EPHA5: variants seen among roughly 807,000 people sequenced by gnomAD.
EPHA5 encodes ephrin type-A receptor 5.
In EPHA5, 60 loss-of-function variants were observed where a neutral mutation model predicts 105.0. That is an observed-to-expected ratio of 0.57 (90% CI 0.46 to 0.71). The LOEUF (loss-of-function observed/expected upper bound fraction) is 0.71. EPHA5 is among the 30% of genes least tolerant of loss of function. The pLI, the probability that EPHA5 is intolerant of heterozygous loss-of-function variation, is 0.00. For missense variants in EPHA5, 1,218 were observed against 1,274.7 expected (o/e 0.96, Z 0.68); for synonymous variants, 513 against 449.1 (o/e 1.14, Z -1.80).
At chr4:65,359,407 C>T (rs1717045670) in intron 11 of EPHA5, among the ~76,000 whole-genome samples, 2 of 151,524 alleles carry the variant, frequency 1.3e-5, no homozygotes, top group South Asian at 4.1e-4. Flanking sequence ...CTTTTTACTT[C>T]TTGAGACTAA....
At chr4:65,524,752 T>A (rs574908577) in intron 3 of EPHA5, among the ~76,000 whole-genome samples, 7 of 151,840 alleles carry the variant, frequency 4.6e-5, no homozygotes, top group African/African-American at 1.7e-4. Flanking sequence ...ACATTTCCCA[T>A]ATGAATGAAG....
chr4:65,493,790 T>C (rs1731656024), intron 4 of EPHA5, among the ~76,000 whole-genome samples: 1 of 150,476 alleles, frequency 6.6e-6, no homozygotes, highest in African/African-American at 2.5e-5. Flanking sequence ...CCATTTCCAA[T>C]CCTAACAAAT....
At chr4:65,437,281 A>G (rs920747369) in intron 5 of EPHA5, among the ~76,000 whole-genome samples, 2 of 151,964 alleles carry the variant, frequency 1.3e-5, no homozygotes, top group African/African-American at 4.8e-5. Flanking sequence ...TCACAAAGAG[A>G]CTCTGGCTTC....
chr4:65,546,991 G>A (rs530783538), intron 3 of EPHA5, among the ~76,000 whole-genome samples: 77 of 152,054 alleles, frequency 5.1e-4, no homozygotes, highest in African/African-American at 1.7e-3. Flanking sequence ...AAGTCCACAT[G>A]TGACTGGAAG....
chr4:65,512,683 G>T (rs1253130693), intron 3 of EPHA5, among the ~76,000 whole-genome samples: 1 of 152,096 alleles, frequency 6.6e-6, no homozygotes, highest in African/African-American at 2.4e-5. Flanking sequence ...TGTAAAACTT[G>T]CAGAACCATG....
At chr4:65,456,493 T>A (rs1224340837) in intron 5 of EPHA5, among the ~76,000 whole-genome samples, 2 of 152,184 alleles carry the variant, frequency 1.3e-5, no homozygotes, top group Non-Finnish European at 2.9e-5. Flanking sequence ...GAAATGTTAA[T>A]GCTGATTAGT....
chr4:65,451,770 A>C (rs1293189979), intron 5 of EPHA5, among the ~76,000 whole-genome samples: 4 of 152,256 alleles, frequency 2.6e-5, no homozygotes, highest in Non-Finnish European at 5.9e-5. Context: ...TGTATAAATG[A>C]GCTATGAGAT....
chr4:65,482,244 G>A (rs1047835587), intron 5 of EPHA5, among the ~76,000 whole-genome samples: 1 of 148,538 alleles, frequency 6.7e-6, no homozygotes, highest in African/African-American at 2.5e-5. Context: ...GTTACAGTGA[G>A]CCAAAATCTT....
chr4:65,516,194 C>T (rs957436995), intron 3 of EPHA5, among the ~76,000 whole-genome samples: 20 of 152,112 alleles, frequency 1.3e-4, no homozygotes, highest in African/African-American at 4.3e-4. Context: ...AACTTAACTA[C>T]TAACAGTCTA....
At chr4:65,382,381 C>A (rs1325704550) in intron 8 of EPHA5, among the ~76,000 whole-genome samples, 17 of 151,662 alleles carry the variant, frequency 1.1e-4, no homozygotes, top group Non-Finnish European at 4.4e-5. Flanking sequence ...ACATTAAGTT[C>A]TTCCTCCACG....
intron 3 of EPHA5, among the ~76,000 whole-genome samples, chr4:65,521,684 T>C (rs1157414485): frequency 2.6e-5 from 4 of 152,098 alleles, no homozygotes; most frequent in Admixed American, 2.6e-4. Context: ...GCAAGCATTA[T>C]AGAAATGCCA....
chr4:65,609,155 G>T (rs1744520042), intron 2 of EPHA5, among the ~76,000 whole-genome samples: 1 of 152,100 alleles, frequency 6.6e-6, no homozygotes, highest in Admixed American at 6.5e-5. Flanking sequence ...AATAAAACAT[G>T]TAGCACAGTT....
At chr4:65,361,690 T>C (rs1015673025) in intron 11 of EPHA5, among the ~76,000 whole-genome samples, 2 of 151,710 alleles carry the variant, frequency 1.3e-5, no homozygotes, top group East Asian at 3.9e-4. Flanking sequence ...GTAATCAATG[T>C]AGTTGGATGT....
chr4:65,564,873 G>T (rs1254839118), intron 3 of EPHA5, among the ~76,000 whole-genome samples: 1 of 151,704 alleles, frequency 6.6e-6, no homozygotes, highest in Admixed American at 6.6e-5. Context: ...CATTTCTAAT[G>T]CAAAGTGTTC....
At chr4:65,551,254 A>G (rs62300400) in intron 3 of EPHA5, among the ~76,000 whole-genome samples, 38,077 of 141,614 alleles carry the variant, frequency 0.27, 5,400 homozygotes, top group Middle Eastern at 0.38. Flanking sequence ...ATATTTATAT[A>G]TGTGTGTGTG....
intron 5 of EPHA5, among the ~76,000 whole-genome samples, chr4:65,482,625 G>C (rs1289608095): frequency 6.6e-6 from 1 of 152,076 alleles, no homozygotes; most frequent in East Asian, 1.9e-4. Context: ...CCTTGGCAAT[G>C]ACATCAAGGT....
chr4:65,367,522 T>A, intron 8 of EPHA5, 98 bp from the exon 9 acceptor site: 1 of 1,089,730 alleles, frequency 9.2e-7, no homozygotes. Flanking sequence ...ATTGCAACCC[T>A]AAACTGATTT....
chr4:65,391,508 C>T (rs1194836738), intron 8 of EPHA5, among the ~76,000 whole-genome samples: 1 of 152,074 alleles, frequency 6.6e-6, no homozygotes, highest in Non-Finnish European at 1.5e-5. Flanking sequence ...GAGTATACTT[C>T]CAGACATGGC....
At chr4:65,631,173 T>A (rs1205305289) in intron 2 of EPHA5, among the ~76,000 whole-genome samples, 2 of 152,208 alleles carry the variant, frequency 1.3e-5, no homozygotes, top group Non-Finnish European at 2.9e-5. Context: ...AATCCTTTAG[T>A]CTGCTTTTGA....
Sources: allele counts gnomAD v4.1 joint callset (sites outside exome capture counted in the v4.1 genomes callset), GRCh38; gene constraint gnomAD v4.1.1; transcripts MANE v1.5; gene names NCBI Gene and HGNC (gene_info 2026-07-23, HGNC 2026-07-21).